CD200R1: variants seen among roughly 807,000 people sequenced by gnomAD.
CD200R1 encodes CD200 receptor 1, also known as cell surface glycoprotein CD200 receptor 1.
Under a neutral mutation model 38.1 loss-of-function variants are expected in CD200R1, and 30 were observed. That is an observed-to-expected ratio of 0.79 (90% CI 0.59 to 1.07). CD200R1 has a LOEUF of 1.07. Ranked by LOEUF, CD200R1 falls within the 50% of genes least tolerant of loss-of-function variation. CD200R1 has a pLI of 0.00. For missense variants in CD200R1, 372 were observed against 415.4 expected (o/e 0.90, Z 0.91); for synonymous variants, 128 against 152.1 (o/e 0.84, Z 1.16).
intron 5 of CD200R1, among the ~76,000 whole-genome samples, chr3:112,926,111 G>A (rs1940275221): frequency 6.6e-6 from 1 of 152,098 alleles, no homozygotes; most frequent in African/African-American, 2.4e-5. Flanking sequence ...CTTTCTCCCA[G>A]GGCATTGAAA....
chr3:112,970,134 C>T (rs1933265923), intron 1 of CD200R1, among the ~76,000 whole-genome samples: 1 of 152,112 alleles, frequency 6.6e-6, no homozygotes, highest in Non-Finnish European at 1.5e-5. Flanking sequence ...GCCATGATTG[C>T]ACCACTGCAC....
chr3:112,961,371 C>T (rs751229572), intron 1 of CD200R1, among the ~76,000 whole-genome samples: 12 of 151,450 alleles, frequency 7.9e-5, no homozygotes, highest in Non-Finnish European at 1.8e-4. Flanking sequence ...CTTCTCATAC[C>T]AAAATAAAAT....
rs1188778732 is a variant in CD200R1 at position 112,928,961 on chromosome 3, A to G, written c.624T>C (p.Asp208=). The G allele has an allele frequency of 9.9e-6, 16 of 1,613,876 alleles. No individual in the cohort carries two copies. Among genetic ancestry groups the G allele is most frequent in the East Asian group, 2.2e-5 (1 of 44,890 alleles). The stretch of plus-strand genomic sequence containing the variant: ...TCCAGTATTCTTGCTTAGTGGCACA[A>G]TCGCCCTCTGGGATCCAGGAGATAT... ...AAHISWIPEG[D]CATKQEYWSN... is the part of the protein sequence containing the mutation. The change falls in exon 5 of 8, where the codon GAT becomes GAC. Residue 208 remains aspartate, a synonymous_variant. Coordinates refer to ENST00000308611, the MANE Select transcript of CD200R1 (RefSeq NM_138806.4).
At chr3:112,946,378 T>G (rs1254842658) in intron 2 of CD200R1, among the ~76,000 whole-genome samples, 1 of 152,150 alleles carries the variant, frequency 6.6e-6, no homozygotes, top group Admixed American at 6.5e-5. Context: ...TTGAAACCCA[T>G]GGATACAGAG....
chr3:112,953,890 G>A (rs1213138833), intron 1 of CD200R1, among the ~76,000 whole-genome samples: 5 of 151,634 alleles, frequency 3.3e-5, no homozygotes, highest in African/African-American at 9.7e-5. Flanking sequence ...TTTTTAAAAA[G>A]CAACTCATTT....
chr3:112,941,667 A>G (rs1381402395), intron 2 of CD200R1, among the ~76,000 whole-genome samples: 1 of 151,662 alleles, frequency 6.6e-6, no homozygotes, highest in Admixed American at 6.6e-5. Context: ...AATACTTTAA[A>G]TAATAATGAC....
At chr3:112,955,781 G>A (rs1022499966) in intron 1 of CD200R1, among the ~76,000 whole-genome samples, 1 of 150,660 alleles carries the variant, frequency 6.6e-6, no homozygotes, top group Admixed American at 6.6e-5. Flanking sequence ...ATGATTGGTA[G>A]GGTTTTTCAT....
chr3:112,929,582 G>A (rs1225643503), intron 3 of CD200R1, 75 bp from the exon 4 acceptor site: 1 of 1,292,966 alleles, frequency 7.7e-7, no homozygotes, highest in Non-Finnish European at 1.1e-6. Flanking sequence ...CACAACATAT[G>A]AAGTTACACT....
chr3:112,961,602 T>G (rs1314578542), intron 1 of CD200R1, among the ~76,000 whole-genome samples: 1 of 151,914 alleles, frequency 6.6e-6, no homozygotes, highest in African/African-American at 2.4e-5. Context: ...AAGAAATCTT[T>G]CTAATCCTGA....
chr3:112,951,804 A>G (rs1940974097), intron 1 of CD200R1, among the ~76,000 whole-genome samples: 5 of 151,312 alleles, frequency 3.3e-5, no homozygotes, highest in Admixed American at 2.0e-4. Context: ...AAAGCCTAGG[A>G]AAAAAAGGTA....
chr3:112,931,222 G>A (rs1271472250), intron 2 of CD200R1, 51 bp from the exon 3 acceptor site: 15 of 1,119,324 alleles, frequency 1.3e-5, no homozygotes, highest in Middle Eastern at 2.0e-4. Context: ...TGTACTCAGA[G>A]TGGAAGCCAG....
At chr3:112,947,766 G>T in intron 2 of CD200R1, 90 bp downstream of exon 2, 1 of 783,908 alleles carries the variant, frequency 1.3e-6, no homozygotes, top group Non-Finnish European at 2.3e-6. Flanking sequence ...TACAGATAAT[G>T]CATGAGACAA....
At chr3:112,930,088 C>T (rs1462811330) in intron 3 of CD200R1, among the ~76,000 whole-genome samples, 2 of 148,944 alleles carry the variant, frequency 1.3e-5, no homozygotes, top group African/African-American at 5.0e-5. Flanking sequence ...TAAAAAGAAT[C>T]ACAAAGTCAG....
intron 1 of CD200R1, among the ~76,000 whole-genome samples, chr3:112,962,848 GA>G (rs1933057538): frequency 6.6e-6 from 1 of 152,136 alleles, no homozygotes; most frequent in African/African-American, 2.4e-5. Flanking sequence ...AAACAGTGAA[GA>G]AAAGTAGGAT....
intron 2 of CD200R1, among the ~76,000 whole-genome samples, chr3:112,940,366 A>G (rs1047461660): frequency 6.6e-6 from 1 of 151,878 alleles, no homozygotes; most frequent in Admixed American, 6.6e-5. Context: ...AACAATAAAC[A>G]GAATGAATAA....
chr3:112,944,503 A>G (rs1240888644), intron 2 of CD200R1, among the ~76,000 whole-genome samples: 1 of 152,020 alleles, frequency 6.6e-6, no homozygotes, highest in Non-Finnish European at 1.5e-5. Context: ...AAAAACATCT[A>G]CAAAAAACTC....
intron 1 of CD200R1, among the ~76,000 whole-genome samples, chr3:112,952,650 G>A (rs561353708): frequency 3.9e-5 from 6 of 151,948 alleles, no homozygotes; most frequent in Non-Finnish European, 5.9e-5. Flanking sequence ...GTGGGAGGAG[G>A]GGGGAGGGAT....
rs1940222688 is a variant in CD200R1 at position 112,923,815 on chromosome 3, A to ATTTG, written c.925-17_925-16insCAAA. Reference sequence around the variant, plus strand: ...GCATTTCATCCTAAGAAAGAACTCAAAGTTAAAATCAATTCAAAAAATCAT... The same window carrying ATTTG: ...GCATTTCATCCTAAGAAAGAACTCAATTTGAGTTAAAATCAATTCAAAAAATCAT... On this transcript the variant is annotated splice_polypyrimidine_tract_variant and intron_variant, in intron 7 of 7. Coordinates refer to ENST00000308611, the MANE Select transcript of CD200R1 (RefSeq NM_138806.4). 1 of 1,493,160 alleles carries ATTTG rather than the reference A, an allele frequency of 6.7e-7. No homozygotes were observed. Among genetic ancestry groups the ATTTG allele is most frequent in the Non-Finnish European group, 9.2e-7 (1 of 1,090,030 alleles). The allele number at this position is 1,493,160 out of a possible 1,614,324, so 92.5% of individuals were successfully genotyped here.
At position 112,931,139 on chromosome 3, in the gene CD200R1, T is replaced by A; in HGVS notation, c.169A>T (p.Ile57Phe). Reference sequence around the variant, plus strand: ...AGTACTTTCGAGTAGTTCTGTGTAATCTGTTTTTCATCCATACATAAACTG... The same window carrying A: ...AGTACTTTCGAGTAGTTCTGTGTAAACTGTTTTTCATCCATACATAAACTG... ...SSSLCMDEKQ[I>F]TQNYSKVLAE... The change falls in exon 3 of 8, where the codon ATT becomes TTT. Residue 57 changes from isoleucine (I) to phenylalanine (F), a missense_variant. Coordinates refer to ENST00000308611, the MANE Select transcript of CD200R1 (RefSeq NM_138806.4). 18 of 1,610,946 alleles carry A rather than the reference T, an allele frequency of 1.1e-5. No individual in the cohort carries two copies. Among genetic ancestry groups the A allele is most frequent in the Non-Finnish European group, 1.4e-5 (17 of 1,177,100 alleles).
Sources: allele counts gnomAD v4.1 joint callset (sites outside exome capture counted in the v4.1 genomes callset), GRCh38; gene constraint gnomAD v4.1.1; transcripts MANE v1.5; gene names NCBI Gene and HGNC (gene_info 2026-07-23, HGNC 2026-07-21).